The following PLN variants were observed in gnomAD, a reference collection of about 807,000 sequenced individuals.
PLN encodes phospholamban.
In PLN, 1 loss-of-function variant was observed where a neutral mutation model predicts 3.9. That is an observed-to-expected ratio of 0.26 (90% confidence interval 0.09 to 1.23). The LOEUF is 1.23. Ranked by LOEUF, PLN falls within the 50% of genes most tolerant of loss-of-function variation. The pLI is 0.48. For missense variants in PLN, 59 were observed against 62.7 expected (o/e 0.94, Z 0.20); for synonymous variants, 21 against 20.5 (o/e 1.02, Z -0.07).
intron 1 of PLN, among the ~76,000 whole-genome samples, chr6:118,553,836 T>C (rs1256422265): frequency 6.6e-6 from 1 of 152,228 alleles, no homozygotes; most frequent in Non-Finnish European, 1.5e-5. Context: ...TAGTTCAGGT[T>C]AATACTGTGT....
intron 1 of PLN, among the ~76,000 whole-genome samples, chr6:118,554,487 G>A (rs920657897): frequency 3.3e-5 from 5 of 152,056 alleles, no homozygotes; most frequent in African/African-American, 9.7e-5. Flanking sequence ...AATAGTTTTA[G>A]TCATAAAAAT....
chr6:118,556,537 C>T lies in PLN; in HGVS notation c.-97-2288C>T, dbSNP rs1402511102. Among the ~76,000 whole-genome samples the T allele has an allele frequency of 6.6e-5, 10 of 152,270 alleles. No homozygotes were observed. The East Asian group carries it at 1.4e-3, about 21-fold the overall frequency. On this transcript the variant is annotated intron_variant, in intron 1 of 1. Coordinates refer to ENST00000357525, the MANE Select transcript of PLN (RefSeq NM_002667.5). Reference sequence around the variant, plus strand: ...GGGTTCTAACTAGTCATGCCTGATACTTACCTTCCCCTTTGCCATTCTTTC... The same window carrying T: ...GGGTTCTAACTAGTCATGCCTGATATTTACCTTCCCCTTTGCCATTCTTTC...
chr6:118,549,678 C>T (rs1778424637), intron 1 of PLN, among the ~76,000 whole-genome samples: 1 of 151,746 alleles, frequency 6.6e-6, no homozygotes, highest in South Asian at 2.1e-4. Flanking sequence ...TTTGATAGTA[C>T]ATAAAAGTCA....
chr6:118,559,174 A>G lies in PLN; in HGVS notation c.*94A>G. The stretch of plus-strand genomic sequence containing the variant: ...GGAAAACAATATTGTATAACAGACC[A>G]CTTCCTGAGTAGAAGAGTTTCTTTG... On this transcript the variant is annotated 3_prime_UTR_variant, in exon 2 of 2. Coordinates refer to ENST00000357525, the MANE Select transcript of PLN (RefSeq NM_002667.5). 1 of 907,000 alleles carries G rather than the reference A, an allele frequency of 1.1e-6. No homozygotes were observed. Among genetic ancestry groups the G allele is most frequent in the East Asian group, 2.4e-5 (1 of 41,744 alleles). 56.2% of individuals were successfully genotyped at this position (907,000 alleles called of 1,614,324 possible). A position where few individuals can be genotyped will look rare whatever the true frequency, so the allele number is the denominator to read the frequency against.
At chr6:118,555,797 C>G (rs903895033) in intron 1 of PLN, among the ~76,000 whole-genome samples, 1 of 152,072 alleles carries the variant, frequency 6.6e-6, no homozygotes, top group Non-Finnish European at 1.5e-5. Context: ...CCTCTGCCTC[C>G]TCCCATCCTC....
At chr6:118,554,834 A>C (rs182947026) in intron 1 of PLN, among the ~76,000 whole-genome samples, 3 of 152,194 alleles carry the variant, frequency 2.0e-5, no homozygotes, top group Non-Finnish European at 4.4e-5. Context: ...GAGATAGAAC[A>C]ACATGTGCAA....
intron 1 of PLN, 52 bp from the exon 2 acceptor site, chr6:118,558,773 G>A (rs1026145227): frequency 1.5e-5 from 10 of 683,928 alleles, no homozygotes; most frequent in African/African-American, 1.4e-4. Context: ...TTTTTGTTCT[G>A]AGGATAGGTT....
chr6:118,560,467 G>A lies in PLN; in HGVS notation c.*1387G>A, dbSNP rs1183250952. 6.0e-6 allele frequency: 1 copy of A among 167,056 alleles called. No individual in the cohort carries two copies. The highest frequency in any genetic ancestry group is 1.5e-5 in the Non-Finnish European group (1 of 68,138). 10.3% of individuals were successfully genotyped at this position (167,056 alleles called of 1,614,324 possible). On this transcript the variant is annotated 3_prime_UTR_variant, in exon 2 of 2. Transcript: ENST00000357525. ...ATTGTCTTCACATTGAGTAGGCAGA[G>A]GAGGAGAAAGATGGGGAGGAAGAGA... is the stretch of plus-strand genomic sequence containing the variant.
chr6:118,558,567 T>C (rs752232969), intron 1 of PLN, among the ~76,000 whole-genome samples: 2 of 150,348 alleles, frequency 1.3e-5, no homozygotes, highest in East Asian at 3.9e-4. Context: ...GAGACGGTCA[T>C]GGTGTGCCCC....
At chr6:118,556,163 C>T (rs896080878) in intron 1 of PLN, among the ~76,000 whole-genome samples, 13 of 152,238 alleles carry the variant, frequency 8.5e-5, no homozygotes, top group Non-Finnish European at 1.5e-4. Context: ...TGGATATATA[C>T]CCAGTAATGG....
At chr6:118,550,513 G>T in intron 1 of PLN, among the ~76,000 whole-genome samples, 1 of 151,604 alleles carries the variant, frequency 6.6e-6, no homozygotes, top group East Asian at 1.9e-4. Flanking sequence ...TAATATACTC[G>T]TGTACACAAA....
chr6:118,555,264 T>C (rs563046183), intron 1 of PLN, among the ~76,000 whole-genome samples: 1 of 152,042 alleles, frequency 6.6e-6, no homozygotes, highest in Admixed American at 6.5e-5. Context: ...ACCCCGTCTC[T>C]ACTAAAAACA....
rs1267163875 is a variant in PLN at position 118,561,206 on chromosome 6, A to C, written c.*2126A>C. Among the ~76,000 whole-genome samples, 2 of 152,172 alleles carry C rather than the reference A, an allele frequency of 1.3e-5. No homozygotes were observed. The highest frequency in any genetic ancestry group is 2.9e-5 in the Non-Finnish European group (2 of 68,024). ...CTGGAAATTCCTAAAAACAAGTAGA[A>C]AGCTTATAAACAACAGGTGATACAC... On this transcript the variant is annotated 3_prime_UTR_variant, in exon 2 of 2. Coordinates refer to ENST00000357525, the MANE Select transcript of PLN (RefSeq NM_002667.5).
chr6:118,553,303 T>C (rs1457054028), intron 1 of PLN, among the ~76,000 whole-genome samples: 1 of 150,936 alleles, frequency 6.6e-6, no homozygotes, highest in Non-Finnish European at 1.5e-5. Context: ...CCATAAATTA[T>C]AATGTAGTAA....
At chr6:118,549,174 A>G (rs968083168) in intron 1 of PLN, among the ~76,000 whole-genome samples, 3 of 152,016 alleles carry the variant, frequency 2.0e-5, no homozygotes, top group African/African-American at 7.2e-5. Context: ...ATTCTTAACT[A>G]TCTTATTTTC....
Position 118,559,249 on chromosome 6 carries a change from T to A in PLN, c.*169T>A, listed in dbSNP as rs994389787. On this transcript the variant is annotated 3_prime_UTR_variant, in exon 2 of 2. Coordinates refer to ENST00000357525, the MANE Select transcript of PLN (RefSeq NM_002667.5). The stretch of plus-strand genomic sequence containing the variant: ...AACTTATTGTTACCATATGTATTCA[T>A]CTGTTGGATCTTGTAAACATGAAAA... 1.5e-6 allele frequency: 1 copy of A among 669,340 alleles called. No individual in the cohort carries two copies. The highest frequency in any genetic ancestry group is 2.5e-5 in the Admixed American group (1 of 40,358). The allele number at this position is 669,340 out of a possible 1,614,324, so 41.5% of individuals were successfully genotyped here.
At chr6:118,558,684 GAGAGGGAGA>G (rs1562259792) in intron 1 of PLN, 132 bp from the exon 2 acceptor site, 2 of 526,420 alleles carry the variant, frequency 3.8e-6, no homozygotes, top group African/African-American at 3.9e-5. Context: ...GAGAGAGAGA[GAGAGGGAGA>G]GAGACTATAG....
In PLN at chr6:118,558,875, T is replaced by C. The variant is rs1196877062; in HGVS notation, c.-47T>C. 5.3e-6 allele frequency: 8 copies of C among 1,515,506 alleles called. No individual in the cohort carries two copies. The highest frequency in any genetic ancestry group is 6.4e-6 in the Non-Finnish European group (7 of 1,090,674). 93.9% of individuals were successfully genotyped at this position (1,515,506 alleles called of 1,614,324 possible). On this transcript the variant is annotated 5_prime_UTR_variant, in exon 2 of 2. Transcript: ENST00000357525. ...CATATTTGGCTGCCAGCTTTTTATCTTTCTCTCGACCACTTAAAACTTCAG... is the reference window on the plus strand; with the variant it reads ...CATATTTGGCTGCCAGCTTTTTATCCTTCTCTCGACCACTTAAAACTTCAG...
intron 1 of PLN, among the ~76,000 whole-genome samples, chr6:118,551,480 TAAG>T (rs140547452): frequency 0.03 from 4,583 of 151,966 alleles, 135 homozygotes; most frequent in African/African-American, 0.06. Context: ...CCTACAGGGT[TAAG>T]AAGAATATTT....
Sources: allele counts gnomAD v4.1 joint callset (sites outside exome capture counted in the v4.1 genomes callset), GRCh38; gene constraint gnomAD v4.1.1; transcripts MANE v1.5; gene names NCBI Gene and HGNC (gene_info 2026-07-23, HGNC 2026-07-21).